The following ASZ1 variants were observed in gnomAD, a reference collection of about 807,000 sequenced individuals.
ASZ1 encodes the protein ankyrin repeat, SAM and basic leucine zipper domain containing 1.
Under a neutral mutation model 61.8 loss-of-function variants are expected in ASZ1, and 67 were observed. The observed-to-expected ratio is 1.08, with a 90% CI of 0.89 to 1.33. ASZ1 has a LOEUF of 1.33. ASZ1 is among the 40% of genes most tolerant of loss of function. ASZ1 has a pLI of 0.00. For missense variants in ASZ1, 577 were observed against 554.5 expected (o/e 1.04, Z -0.41); for synonymous variants, 193 against 192.7 (o/e 1.00, Z -0.01).
chr7:117,401,544 G>T (rs1045403260), intron 4 of ASZ1, among the ~76,000 whole-genome samples: 1 of 152,134 alleles, frequency 6.6e-6, no homozygotes, highest in Non-Finnish European at 1.5e-5. Context: ...GGGGTTGAAG[G>T]AGAGACCCAG....
chr7:117,367,614 A>T (rs879567660), intron 11 of ASZ1, 149 bp from the exon 12 acceptor site: 65 of 1,145,402 alleles, frequency 5.7e-5, no homozygotes, highest in Middle Eastern at 6.6e-4. Flanking sequence ...CACCAAAAAT[A>T]AGTAATTTTA....
intron 2 of ASZ1, among the ~76,000 whole-genome samples, chr7:117,425,660 G>A (rs1323804340): frequency 6.6e-6 from 1 of 151,660 alleles, no homozygotes; most frequent in East Asian, 1.9e-4. Flanking sequence ...AATTCATGAA[G>A]CCCAGGACAG....
chr7:117,375,428 T>C (rs1796119239), intron 10 of ASZ1, among the ~76,000 whole-genome samples: 1 of 152,118 alleles, frequency 6.6e-6, no homozygotes, highest in Non-Finnish European at 1.5e-5. Flanking sequence ...AAACTCTTAA[T>C]GATTCTTCAT....
intron 10 of ASZ1, among the ~76,000 whole-genome samples, chr7:117,374,120 T>C (rs1796096071): frequency 6.6e-6 from 1 of 152,102 alleles, no homozygotes; most frequent in Non-Finnish European, 1.5e-5. Flanking sequence ...GGAATTTTAA[T>C]ATGGGGAATA....
intron 8 of ASZ1, 138 bp from the exon 9 acceptor site, chr7:117,381,205 T>G (rs1796243913): frequency 1.6e-6 from 1 of 608,550 alleles, no homozygotes. Context: ...GATATATACA[T>G]GCAGAACTAT....
rs761752737 is a variant in ASZ1, at chr7:117,422,224, T to G, written c.328+13A>C. On this transcript the variant is annotated intron_variant, in intron 3 of 12. Transcript: ENST00000284629. ...AGTAAGCATAATCATTTAAGTTATCTAAAACATCTTACCCTTCTCAAAGCT... is the reference window on the plus strand; with the variant it reads ...AGTAAGCATAATCATTTAAGTTATCGAAAACATCTTACCCTTCTCAAAGCT... 1 of 1,608,116 alleles carries G rather than the reference T, an allele frequency of 6.2e-7. No homozygotes were observed. Among genetic ancestry groups the G allele is most frequent in the Non-Finnish European group, 8.5e-7 (1 of 1,178,512 alleles).
rs139696233 is a variant in ASZ1 at position 117,406,614 on chromosome 7, G to A, written c.440+13549C>T. On this transcript the variant is annotated intron_variant, in intron 4 of 12. Transcript: ENST00000284629. ...ATTAAAAATACAAAATTAGCCAGGC[G>A]TGGTGGTCCATGCCTATAATCCCAG... is the stretch of plus-strand genomic sequence containing the variant. Among the ~76,000 whole-genome samples, 1,478 of 152,172 alleles carry A rather than the reference G, an allele frequency of 9.7e-3. 31 individuals are homozygous for A. The highest frequency in any genetic ancestry group is 0.034 in the African/African-American group (1,414 of 41,534).
chr7:117,413,393 A>G (rs979161728), intron 4 of ASZ1, among the ~76,000 whole-genome samples: 2 of 152,098 alleles, frequency 1.3e-5, no homozygotes, highest in Non-Finnish European at 2.9e-5. Context: ...TTACACAGAC[A>G]AGCAATTAAC....
intron 4 of ASZ1, among the ~76,000 whole-genome samples, chr7:117,407,423 A>C (rs566840774): frequency 5.1e-4 from 78 of 152,212 alleles, no homozygotes; most frequent in African/African-American, 1.7e-3. Flanking sequence ...AAAAAAAAAA[A>C]ATCAGGACAG....
intron 4 of ASZ1, among the ~76,000 whole-genome samples, chr7:117,399,533 C>T (rs1474407349): frequency 6.6e-6 from 1 of 152,200 alleles, no homozygotes; most frequent in Non-Finnish European, 1.5e-5. Context: ...AATTGTGTAA[C>T]AGAAACCAAT....
Position 117,384,808 on chromosome 7 carries a change from A to G in ASZ1, c.605T>C (p.Leu202Pro), listed in dbSNP as rs1283168891. ...TAGCATTTTATTAGCTCCAAGTTCA[A>G]GCAACTTCAAAACTATATTTTTATG... Reference protein sequence around the residue: ...QGHKNIVLKLLELGANKMLQT... With the variant: ...QGHKNIVLKLPELGANKMLQT... The change falls in exon 6 of 13, where the codon CTT becomes CCT. Residue 202 changes from leucine to proline, a missense_variant. Physicochemically the swap from Leu to Pro is moderately conservative, Grantham distance 98. Transcript: ENST00000284629. 6.2e-7 allele frequency: 1 copy of G among 1,609,994 alleles called. No homozygotes were observed. The highest frequency in any genetic ancestry group is 1.1e-5 in the South Asian group (1 of 90,272).
At chr7:117,390,849 G>A (rs1005413701) in intron 4 of ASZ1, among the ~76,000 whole-genome samples, 5 of 151,940 alleles carry the variant, frequency 3.3e-5, no homozygotes, top group Non-Finnish European at 5.9e-5. Context: ...GATTACAGGC[G>A]CCTGCCACTG....
intron 11 of ASZ1, chr7:117,368,039 G>A (rs1303538710): frequency 2.8e-6 from 1 of 360,874 alleles, no homozygotes; most frequent in African/African-American, 2.2e-5. Flanking sequence ...ATGCCATCAT[G>A]CCCAGCTAAT....
intron 4 of ASZ1, among the ~76,000 whole-genome samples, chr7:117,401,272 C>T (rs1796675054): frequency 6.6e-6 from 1 of 151,938 alleles, no homozygotes; most frequent in South Asian, 2.1e-4. Flanking sequence ...TTAAGACATA[C>T]TGCCTGAAAA....
At chr7:117,412,293 G>C (rs1340257620) in intron 4 of ASZ1, among the ~76,000 whole-genome samples, 3 of 151,654 alleles carry the variant, frequency 2.0e-5, no homozygotes, top group African/African-American at 7.3e-5. Context: ...AGGCTAAAAA[G>C]AAAAACTACA....
At chr7:117,378,401 T>C (rs539979964) in intron 10 of ASZ1, among the ~76,000 whole-genome samples, 4 of 152,202 alleles carry the variant, frequency 2.6e-5, no homozygotes, top group African/African-American at 9.6e-5. Flanking sequence ...CCACAAAAAG[T>C]ACACATATGG....
intron 4 of ASZ1, among the ~76,000 whole-genome samples, chr7:117,386,652 A>G (rs1386361387): frequency 1.3e-5 from 2 of 152,192 alleles, no homozygotes; most frequent in African/African-American, 4.8e-5. Context: ...AGAAAAATAA[A>G]TAATTTCAGA....
chr7:117,393,697 C>T (rs1796520303), intron 4 of ASZ1, among the ~76,000 whole-genome samples: 2 of 152,180 alleles, frequency 1.3e-5, no homozygotes, highest in Non-Finnish European at 2.9e-5. Context: ...GTGAGTTTTA[C>T]CGATTATATT....
At chr7:117,370,768 A>C (rs1306735042) in intron 10 of ASZ1, among the ~76,000 whole-genome samples, 1 of 151,958 alleles carries the variant, frequency 6.6e-6, no homozygotes, top group Non-Finnish European at 1.5e-5. Flanking sequence ...TGAAATAAAA[A>C]TACAATAAAA....
Sources: gnomAD v4.1 joint callset for allele counts (sites outside exome capture counted in the v4.1 genomes callset) on GRCh38, gnomAD v4.1.1 for gene constraint, MANE v1.5 for transcripts, NCBI Gene and HGNC (gene_info 2026-07-23, HGNC 2026-07-21) for gene names.